PAX6: variants seen among roughly 807,000 people sequenced by gnomAD.
The protein encoded by PAX6 is paired box protein Pax-6.
PAX6 carries 7 observed loss-of-function variants against 60.7 expected under a neutral mutation model. The ratio of observed to expected loss-of-function variants is 0.12; its 90% confidence interval spans 0.07 to 0.22. The LOEUF (loss-of-function observed/expected upper bound fraction) is 0.22. Among genes scored for constraint, PAX6 ranks in the 10% least tolerant of loss-of-function variants. PAX6 has a pLI of 1.00. For synonymous variants in PAX6, 208 were observed against 201.2 expected, an observed-to-expected ratio of 1.03 and a Z score of -0.29; for missense variants, 355 against 555.2, an observed-to-expected ratio of 0.64 and a Z score of 3.62.
intron 12 of PAX6, chr11:31,791,283 CAG>C (rs1465561002): frequency 7.4e-5 from 24 of 323,822 alleles, no homozygotes; most frequent in South Asian, 6.8e-4. Flanking sequence ...AGCTTTGGGA[CAG>C]AGAGCAGTGG....
At chr11:31,806,561 C>T (rs1955859631) in intron 3 of PAX6, 99 bp from the exon 4 acceptor site, 2 of 926,994 alleles carry the variant, frequency 2.2e-6, no homozygotes, top group Non-Finnish European at 3.4e-6. Flanking sequence ...GGAGAATCTC[C>T]GTTCTTTAGG....
chr11:31,815,771 C>CAAAA (rs5790868), upstream of PAX6, among the ~76,000 whole-genome samples: 4 of 137,764 alleles, frequency 2.9e-5, no homozygotes, highest in South Asian at 7.0e-4. Flanking sequence ...GCGCTATCTC[C>CAAAA]AAAAAAAAAA....
Position 31,793,429 on chromosome 11 carries a change from C to T in PAX6, c.1074+9G>A, listed in dbSNP as rs376883598. 1.9e-5 allele frequency: 30 copies of T among 1,612,124 alleles called. No individual in the cohort carries two copies. Among genetic ancestry groups the T allele is most frequent in the South Asian group, 1.4e-4 (13 of 91,048 alleles). On this transcript the variant is annotated intron_variant, in intron 12 of 13. Coordinates refer to ENST00000640368, the MANE Select transcript of PAX6 (RefSeq NM_001368894.2). ...CTGGGTTATGCAGGCCACCACCAGC[C>T]GCACTTACTTGCATAGGCAGGTTAT... is the stretch of plus-strand genomic sequence containing the variant.
At chr11:31,806,494 G>A in intron 3 of PAX6, 32 bp from the exon 4 acceptor site, 1 of 1,538,722 alleles carries the variant, frequency 6.5e-7, no homozygotes, top group Non-Finnish European at 8.8e-7. Flanking sequence ...TTAATCCTCG[G>A]GCAGCTGCAT....
chr11:31,807,105 C>A (rs1409000405), intron 2 of PAX6, among the ~76,000 whole-genome samples, 180 bp from the exon 3 acceptor site: 1 of 152,168 alleles, frequency 6.6e-6, no homozygotes, highest in African/African-American at 2.4e-5. Flanking sequence ...CCACAGAAGT[C>A]TCCATCCTTT....
At chr11:31,791,046 G>A in intron 12 of PAX6, 186 bp from the exon 13 acceptor site, 1 of 725,650 alleles carries the variant, frequency 1.4e-6, no homozygotes, top group South Asian at 1.5e-5. Flanking sequence ...ACTGGCCACA[G>A]CTAGAAGAAA....
At position 31,793,560 on chromosome 11, in the gene PAX6, G is replaced by A. The variant is rs750093295; in HGVS notation, c.959-7C>T. The A allele has an allele frequency of 1.1e-4, 185 of 1,613,888 alleles. No individual in the cohort carries two copies. The highest frequency in any genetic ancestry group is 9.8e-4 in the East Asian group (44 of 44,892). On this transcript the variant is annotated splice_polypyrimidine_tract_variant and splice_region_variant and intron_variant, in intron 11 of 13. Coordinates refer to ENST00000640368, the MANE Select transcript of PAX6 (RefSeq NM_001368894.2). ...CCAGATGTGAAGGAGGAAACTGAGG[G>A]CAAGAGAAATGACAGTAGTCAGAGT... is the stretch of plus-strand genomic sequence containing the variant.
chr11:31,803,502 G>C (rs1033499054), intron 4 of PAX6: 1 of 153,486 alleles, frequency 6.5e-6, no homozygotes, highest in Non-Finnish European at 1.4e-5. Flanking sequence ...GGTTTTGTTT[G>C]GTTAGAATAG....
At chr11:31,797,507 GAAAAAAAA>G (rs36004875) in intron 8 of PAX6, among the ~76,000 whole-genome samples, 2 of 101,400 alleles carry the variant, frequency 2.0e-5, no homozygotes, top group Admixed American at 1.1e-4. Context: ...TTTAAATCTG[GAAAAAAAA>G]AAAAAAAAAA....
chr11:31,801,240 G>A (rs761125035), intron 7 of PAX6: 29 of 1,365,126 alleles, frequency 2.1e-5, no homozygotes, highest in Non-Finnish European at 2.7e-5. Flanking sequence ...CTGAAGGAAA[G>A]TTCTGGCAGG....
rs778271366 is a variant in PAX6 at position 31,793,702 on chromosome 11, C to G, written c.908G>C (p.Ser303Thr). 1 of 1,614,196 alleles carries G rather than the reference C, an allele frequency of 6.2e-7. No homozygotes were observed. Among genetic ancestry groups the G allele is most frequent in the Admixed American group, 1.7e-5 (1 of 60,024 alleles). The change falls in exon 11 of 14, where the codon AGT becomes ACT. Residue 303 changes from serine (S) to threonine (T), a missense_variant. Coordinates refer to ENST00000640368, the MANE Select transcript of PAX6 (RefSeq NM_001368894.2). Reference sequence around the variant, plus strand: ...TTGGTAGACACTGGTGCTGAAACTACTGCTGATAGGAATATGACTAGGTGT... The same window carrying G: ...TTGGTAGACACTGGTGCTGAAACTAGTGCTGATAGGAATATGACTAGGTGT... ...SNTPSHIPIS[S>T]SFSTSVYQPI...
At chr11:31,817,366 CA>C (rs1957428396) in intron 1 of PAX6, among the ~76,000 whole-genome samples, 1 of 152,252 alleles carries the variant, frequency 6.6e-6, no homozygotes, top group Non-Finnish European at 1.5e-5. Context: ...CGACCCGCGG[CA>C]GGGTGTCTTT....
intron 13 of PAX6, chr11:31,790,498 C>A (rs1436133029): frequency 4.3e-5 from 42 of 984,896 alleles, no homozygotes; most frequent in Non-Finnish European, 5.1e-5. Context: ...ACTTTTGTGA[C>A]CAAATTCAGG....
At chr11:31,802,503 C>A in intron 5 of PAX6, 1 of 555,894 alleles carries the variant, frequency 1.8e-6, no homozygotes, top group Non-Finnish European at 3.1e-6. Context: ...TGTAACTGAC[C>A]CAGGTTGAAA....
At chr11:31,812,207 A>T (rs955698637), upstream of PAX6, 7 of 124,008 alleles carry the variant, frequency 5.6e-5, no homozygotes, top group Non-Finnish European at 1.2e-4. Flanking sequence ...AGCGCCCGAG[A>T]GGAGGGGAAG....
At chr11:31,801,032 T>C (rs918481074) in intron 7 of PAX6, 176 bp from the exon 8 acceptor site, 27 of 797,390 alleles carry the variant, frequency 3.4e-5, no homozygotes, top group Non-Finnish European at 5.6e-5. Flanking sequence ...AGCTATCACT[T>C]TGGGCATGGA....
In PAX6 at chr11:31,811,288, C is replaced by G. The variant is rs1315579805; in HGVS notation, c.-490G>C. On this transcript the variant is annotated 5_prime_UTR_variant, in exon 1 of 14. Coordinates refer to ENST00000640368, the MANE Select transcript of PAX6 (RefSeq NM_001368894.2). Reference sequence around the variant, plus strand: ...CGGGAAATGAGGCCGAGCCACGGTTCCCTTTTCAAACCCACTAATCACTCC... The same window carrying G: ...CGGGAAATGAGGCCGAGCCACGGTTGCCTTTTCAAACCCACTAATCACTCC... The G allele has an allele frequency of 2.0e-5, 8 of 398,846 alleles. No individual in the cohort carries two copies. The highest frequency in any genetic ancestry group is 6.3e-4 in the Middle Eastern group (1 of 1,588). The allele number at this position is 398,846 out of a possible 1,614,324, so 24.7% of individuals were successfully genotyped here.
At position 31,806,920 on chromosome 11, in the gene PAX6, T is replaced by G; in HGVS notation, c.-123A>C. The G allele has an allele frequency of 6.4e-6, 1 of 155,756 alleles. No homozygotes were observed. The allele number at this position is 155,756 out of a possible 1,614,324, so 9.6% of individuals were successfully genotyped here. ...CATCTGCGCGCCCCTAGTTAAAGTC[T>G]TCCCCCTAAGACAAAACAGAAGGAG... On this transcript the variant is annotated 5_prime_UTR_variant, in exon 3 of 14. Transcript: ENST00000640368.
In PAX6 at chr11:31,793,509, C is replaced by T; in HGVS notation, c.1003G>A (p.Ala335Thr). The stretch of plus-strand genomic sequence containing the variant: ...AGAGCGCTGTAGGTGTTTGTGAGGG[C>T]TGTGTCTGTTCGGCCCAACATGGAG... Reference protein sequence around the residue: ...SGSMLGRTDTALTNTYSALPP... With the variant: ...SGSMLGRTDTTLTNTYSALPP... Residue 335 changes from alanine to threonine, a missense_variant, in exon 12 of 14, where the codon GCC becomes ACC. Ala to Thr is a moderately conservative substitution (Grantham distance 58). Coordinates refer to ENST00000640368, the MANE Select transcript of PAX6 (RefSeq NM_001368894.2). The T allele has an allele frequency of 1.2e-6, 2 of 1,614,234 alleles. No individual in the cohort carries two copies. Among genetic ancestry groups the T allele is most frequent in the Admixed American group, 1.7e-5 (1 of 60,034 alleles).
Sources: gnomAD v4.1 joint callset for allele counts (sites outside exome capture counted in the v4.1 genomes callset) on GRCh38, gnomAD v4.1.1 for gene constraint, MANE v1.5 for transcripts, NCBI Gene and HGNC (gene_info 2026-07-23, HGNC 2026-07-21) for gene names.